The following CLVS1 variants were observed in gnomAD, a reference collection of about 807,000 sequenced individuals.
CLVS1 encodes the protein clavesin-1.
In CLVS1, 10 loss-of-function variants were observed where a neutral mutation model predicts 33.1. That is an observed-to-expected ratio of 0.30 (90% CI 0.19 to 0.51). The LOEUF (loss-of-function observed/expected upper bound fraction) is 0.51. Among genes scored for constraint, CLVS1 ranks in the 20% least tolerant of loss-of-function variants. The pLI, the probability that CLVS1 is intolerant of heterozygous loss-of-function variation, is 0.97. For missense variants in CLVS1, 343 were observed against 433.4 expected, an observed-to-expected ratio of 0.79 and a Z score of 1.85; for synonymous variants, 163 against 166.1, an observed-to-expected ratio of 0.98 and a Z score of 0.14.
chr8:61,415,467 T>C (rs759114300), intron 3 of CLVS1, among the ~76,000 whole-genome samples: 11 of 152,202 alleles, frequency 7.2e-5, no homozygotes, highest in Non-Finnish European at 1.3e-4. Flanking sequence ...CACTAGGACA[T>C]TCTCAATTGT....
At chr8:61,490,279 C>A (rs576924020) in intron 5 of CLVS1, among the ~76,000 whole-genome samples, 24 of 149,914 alleles carry the variant, frequency 1.6e-4, no homozygotes, top group Admixed American at 1.3e-3. Context: ...GCCAAGATTG[C>A]GCCACTGCAC....
In CLVS1 at chr8:61,072,424, G is replaced by C. The variant is rs540432228; in HGVS notation, c.-243+15194G>C. On this transcript the variant is annotated intron_variant, in intron 1 of 2. Coordinates refer to the CLVS1 transcript ENST00000522621. ...TTATTTCTCTTGGTTAAAGATGTTTGAAGGATGACACTTTAATTTATAGAC... is the reference window on the plus strand; with the variant it reads ...TTATTTCTCTTGGTTAAAGATGTTTCAAGGATGACACTTTAATTTATAGAC... Among the ~76,000 whole-genome samples, 4 of 152,292 alleles carry C rather than the reference G, an allele frequency of 2.6e-5. 1 individual carries two copies. In the South Asian group the frequency reaches 8.3e-4, roughly 32 times the overall value.
At chr8:60,965,026 A>T in the CLVS1 span, among the ~76,000 whole-genome samples, 11 of 152,260 alleles carry the variant, frequency 7.2e-5, no homozygotes, top group African/African-American at 2.2e-4. Flanking sequence ...CATGGGATGC[A>T]TGAATTTTCT....
At chr8:61,352,371 G>A (rs1213658239) in intron 2 of CLVS1, among the ~76,000 whole-genome samples, 2 of 151,934 alleles carry the variant, frequency 1.3e-5, no homozygotes, top group African/African-American at 4.8e-5. Flanking sequence ...AACAGAAACA[G>A]AGGAATGATC....
At chr8:61,397,160 G>A (rs1257579338) in intron 3 of CLVS1, among the ~76,000 whole-genome samples, 3 of 152,074 alleles carry the variant, frequency 2.0e-5, no homozygotes, top group Non-Finnish European at 4.4e-5. Context: ...CCAACAATGT[G>A]TGAGAGCTCC....
At chr8:61,256,880 A>C (rs1809094875) in intron 2 of CLVS1, among the ~76,000 whole-genome samples, 1 of 152,200 alleles carries the variant, frequency 6.6e-6, no homozygotes. Flanking sequence ...TAAAGAAGGC[A>C]AGTTTTAGAA....
intron 3 of CLVS1, chr8:61,378,522 G>A (rs1751461542): frequency 6.6e-6 from 1 of 152,160 alleles, no homozygotes; most frequent in African/African-American, 2.4e-5. Flanking sequence ...CACACGCCAG[G>A]GTCCAAGACG....
intron 3 of CLVS1, among the ~76,000 whole-genome samples, chr8:61,405,346 G>C (rs1388289955): frequency 6.6e-6 from 1 of 152,298 alleles, no homozygotes; most frequent in African/African-American, 2.4e-5. Flanking sequence ...TGGTGTTTAA[G>C]TGTAAAAAGC....
chr8:61,125,962 CA>C (rs761492156), intron 1 of CLVS1, among the ~76,000 whole-genome samples: 47 of 101,022 alleles, frequency 4.7e-4, no homozygotes, highest in Admixed American at 4.4e-4. Context: ...TTTTTAAGGA[CA>C]TTTTTTTTTT....
At chr8:61,323,527 A>T (rs1811270962) in intron 2 of CLVS1, among the ~76,000 whole-genome samples, 1 of 152,122 alleles carries the variant, frequency 6.6e-6, no homozygotes, top group Non-Finnish European at 1.5e-5. Context: ...CATATGCAAA[A>T]TATAGTCACA....
chr8:61,415,863 C>T (rs772359888), intron 3 of CLVS1, among the ~76,000 whole-genome samples: 4 of 152,182 alleles, frequency 2.6e-5, no homozygotes, highest in Non-Finnish European at 5.9e-5. Context: ...TATTTCCTAT[C>T]TCCATTGATT....
the CLVS1 span, among the ~76,000 whole-genome samples, chr8:61,008,230 G>GT: frequency 0.31 from 47,160 of 151,700 alleles, 8,106 homozygotes; most frequent in Middle Eastern, 0.48. Flanking sequence ...TTTAAGCTTT[G>GT]TTTTTTTCAA....
At chr8:61,029,799 A>C in the CLVS1 span, among the ~76,000 whole-genome samples, 1 of 152,282 alleles carries the variant, frequency 6.6e-6, no homozygotes, top group Non-Finnish European at 1.5e-5. Flanking sequence ...GGGGCGTATT[A>C]GTTCCCTAAA....
intron 3 of CLVS1, among the ~76,000 whole-genome samples, chr8:61,391,579 A>C (rs1015849964): frequency 6.6e-6 from 1 of 152,216 alleles, no homozygotes; most frequent in Admixed American, 6.5e-5. Flanking sequence ...AGTAATTTAA[A>C]GATGTTTAAT....
chr8:61,028,973 T>C, the CLVS1 span, among the ~76,000 whole-genome samples: 1 of 152,200 alleles, frequency 6.6e-6, no homozygotes, highest in Non-Finnish European at 1.5e-5. Context: ...TCAAGGGACT[T>C]CCCCAAGAAC....
At chr8:61,211,705 G>A (rs998422271) in intron 2 of CLVS1, among the ~76,000 whole-genome samples, 2 of 152,312 alleles carry the variant, frequency 1.3e-5, no homozygotes, top group Non-Finnish European at 2.9e-5. Flanking sequence ...ATCTTAAGCC[G>A]AGACTGGCTA....
chr8:61,093,540 T>C (rs7008414), intron 1 of CLVS1, among the ~76,000 whole-genome samples: 32,254 of 152,110 alleles, frequency 0.21, 3,964 homozygotes, highest in South Asian at 0.36. Flanking sequence ...TTACAGCAAA[T>C]GGGATTCAGA....
intron 2 of CLVS1, among the ~76,000 whole-genome samples, chr8:61,216,646 G>GA (rs1235387974): frequency 6.6e-6 from 1 of 152,272 alleles, no homozygotes; most frequent in Non-Finnish European, 1.5e-5. Context: ...CCAGGGCAGT[G>GA]AAAAAATATT....
At chr8:61,116,193 T>A (rs1390938842) in intron 1 of CLVS1, among the ~76,000 whole-genome samples, 1 of 152,008 alleles carries the variant, frequency 6.6e-6, no homozygotes, top group Non-Finnish European at 1.5e-5. Flanking sequence ...TGTCTGTTCA[T>A]GTCCTTTGCC....
Sources: allele counts gnomAD v4.1 joint callset (sites outside exome capture counted in the v4.1 genomes callset), GRCh38; gene constraint gnomAD v4.1.1; transcripts MANE v1.5; gene names NCBI Gene and HGNC (gene_info 2026-07-23, HGNC 2026-07-21).